The following SLC44A1 variants were observed in gnomAD, a reference collection of about 807,000 sequenced individuals.
SLC44A1 encodes choline transporter-like protein 1.
Under a neutral mutation model 79.3 loss-of-function variants are expected in SLC44A1, and 26 were observed. That is an observed-to-expected ratio of 0.33 (90% confidence interval 0.24 to 0.46). The LOEUF is 0.46. Among genes scored for constraint, SLC44A1 ranks in the 20% least tolerant of loss-of-function variants. The probability of loss-of-function intolerance (pLI) is 1.00; values close to 1 mark genes in which losing one functional copy is unlikely to be tolerated. For missense variants in SLC44A1, 688 were observed against 798.1 expected, an observed-to-expected ratio of 0.86 and a Z score of 1.66; for synonymous variants, 263 against 286.2, an observed-to-expected ratio of 0.92 and a Z score of 0.82.
chr9:105,319,644 C>A (rs368145932), intron 3 of SLC44A1, among the ~76,000 whole-genome samples: 3 of 152,198 alleles, frequency 2.0e-5, no homozygotes, highest in African/African-American at 7.2e-5. Context: ...GAGTGGTCTA[C>A]CCCAACCCTA....
intron 1 of SLC44A1, among the ~76,000 whole-genome samples, chr9:105,297,454 G>T (rs753088476): frequency 2.6e-4 from 40 of 152,100 alleles, no homozygotes; most frequent in Non-Finnish European, 4.9e-4. Context: ...CGCGATTTTG[G>T]CTTACCACAA....
chr9:105,334,374 A>AT (rs1011200274), intron 3 of SLC44A1, among the ~76,000 whole-genome samples: 8 of 143,264 alleles, frequency 5.6e-5, no homozygotes, highest in Non-Finnish European at 1.1e-4. Flanking sequence ...TTTCCTACTT[A>AT]TTTTTTTTTC....
At chr9:105,333,907 T>G (rs1826830763) in intron 3 of SLC44A1, among the ~76,000 whole-genome samples, 1 of 152,146 alleles carries the variant, frequency 6.6e-6, no homozygotes, top group South Asian at 2.1e-4. Flanking sequence ...AGTGGTTGAT[T>G]CAAAGGTTTT....
chr9:105,404,638 G>A (rs1258218205), intron 15 of SLC44A1, among the ~76,000 whole-genome samples: 2 of 152,122 alleles, frequency 1.3e-5, no homozygotes, highest in Non-Finnish European at 2.9e-5. Context: ...ATAAATAAAT[G>A]AACTTAGGGG....
rs866597851 is a variant in SLC44A1 at position 105,356,163 on chromosome 9, A to G, written c.501-49A>G. 25 of 1,450,548 alleles carry G rather than the reference A, an allele frequency of 1.7e-5. 1 individual carries two copies. In the Middle Eastern group the frequency reaches 1.9e-3, roughly 111 times the overall value. The allele number at this position is 1,450,548 out of a possible 1,614,324, so 89.9% of individuals were successfully genotyped here. On this transcript the variant is annotated intron_variant, in intron 5 of 15. Transcript: ENST00000374720. ...TTTGTGTGTTTGATGTGGCATTTAT[A>G]TTAAGTAGGAGTAATTTTTTTTCTG...
At chr9:105,277,811 A>G (rs1830244614) in intron 1 of SLC44A1, among the ~76,000 whole-genome samples, 1 of 152,172 alleles carries the variant, frequency 6.6e-6, no homozygotes, top group Non-Finnish European at 1.5e-5. Flanking sequence ...TGTTGTTGAC[A>G]CAAGAGTACT....
intron 3 of SLC44A1, among the ~76,000 whole-genome samples, chr9:105,333,876 G>A (rs931023207): frequency 1.3e-5 from 2 of 151,926 alleles, no homozygotes; most frequent in African/African-American, 4.8e-5. Context: ...CAGTGATAGT[G>A]GTGGTGGTGG....
At chr9:105,416,992 T>C (rs1829179763) in intron 15 of SLC44A1, among the ~76,000 whole-genome samples, 1 of 152,236 alleles carries the variant, frequency 6.6e-6, no homozygotes, top group Admixed American at 6.5e-5. Context: ...TTCTGGTAAT[T>C]ACATTTGACC....
At chr9:105,372,242 A>G (rs1176515536) in intron 12 of SLC44A1, among the ~76,000 whole-genome samples, 5 of 152,110 alleles carry the variant, frequency 3.3e-5, no homozygotes, top group Non-Finnish European at 7.4e-5. Context: ...AACTTCCCCA[A>G]TTTGTATGAT....
chr9:105,245,127 G>C (rs1829401268), intron 1 of SLC44A1, among the ~76,000 whole-genome samples: 2 of 152,048 alleles, frequency 1.3e-5, no homozygotes, highest in African/African-American at 4.8e-5. Context: ...GCGGCGCCTA[G>C]TGCGCCCTCA....
chr9:105,316,910 A>G (rs2131323357), intron 3 of SLC44A1, among the ~76,000 whole-genome samples: 1 of 152,348 alleles, frequency 6.6e-6, no homozygotes, highest in East Asian at 1.9e-4. Flanking sequence ...ATTGCTTTTA[A>G]CAACGAAGTT....
chr9:105,434,782 A>G (rs971171270), intron 15 of SLC44A1, among the ~76,000 whole-genome samples: 1 of 152,232 alleles, frequency 6.6e-6, no homozygotes, highest in Non-Finnish European at 1.5e-5. Flanking sequence ...ATGAAATCAC[A>G]TTTATCAGAC....
chr9:105,325,458 G>A (rs1388750768), intron 3 of SLC44A1, among the ~76,000 whole-genome samples: 1 of 152,232 alleles, frequency 6.6e-6, no homozygotes, highest in Non-Finnish European at 1.5e-5. Flanking sequence ...TATGGAGGTT[G>A]AGAAGTCCAA....
chr9:105,354,477 A>G (rs1827558007), intron 5 of SLC44A1, among the ~76,000 whole-genome samples: 1 of 152,256 alleles, frequency 6.6e-6, no homozygotes, highest in Admixed American at 6.5e-5. Flanking sequence ...TTATTTGAAT[A>G]CCTGTAATTC....
Position 105,335,597 on chromosome 9 carries a change from T to G in SLC44A1, c.304T>G (p.Leu102Val). The G allele has an allele frequency of 2.5e-6, 4 of 1,613,550 alleles. No homozygotes were observed. Among genetic ancestry groups the G allele is most frequent in the Non-Finnish European group, 3.4e-6 (4 of 1,179,584 alleles). Residue 102 changes from leucine to valine, a missense_variant, in exon 4 of 16, where the codon TTG becomes GTG. Coordinates refer to ENST00000374720, the MANE Select transcript of SLC44A1 (RefSeq NM_080546.5). ...VFFLDPCNLDLINRKIKSVAL... is the reference protein window; with the variant it reads ...VFFLDPCNLDVINRKIKSVAL... Reference sequence around the variant, plus strand: ...CTTTTTGGATCCATGCAACCTGGACTTGATAAACCGGAAGATTAAGTCTGT... The same window carrying G: ...CTTTTTGGATCCATGCAACCTGGACGTGATAAACCGGAAGATTAAGTCTGT...
chr9:105,365,017 T>C (rs1305516388), intron 10 of SLC44A1, among the ~76,000 whole-genome samples: 2 of 152,210 alleles, frequency 1.3e-5, no homozygotes, highest in Non-Finnish European at 2.9e-5. Context: ...TACTTTTGCT[T>C]TATATAAAAG....
chr9:105,387,060 A>AAAAAAAAAATATATAT (rs34780893), intron 15 of SLC44A1, among the ~76,000 whole-genome samples: 1 of 7,726 alleles, frequency 1.3e-4, no homozygotes, highest in African/African-American at 4.1e-4. Context: ...AAAAAAAAAA[A>AAAAAAAAAATATATAT]ATATATATAT....
intron 3 of SLC44A1, among the ~76,000 whole-genome samples, chr9:105,317,659 G>T (rs76402817): frequency 0.013 from 1,969 of 152,192 alleles, 42 homozygotes; most frequent in African/African-American, 0.045. Context: ...TGAGTCTACA[G>T]GTTGGAATTC....
intron 15 of SLC44A1, among the ~76,000 whole-genome samples, chr9:105,421,144 C>T (rs1360472345): frequency 6.6e-6 from 1 of 152,034 alleles, no homozygotes; most frequent in Non-Finnish European, 1.5e-5. Context: ...TAAAACAATA[C>T]CTGGAAGTGG....
Sources: gnomAD v4.1 joint callset for allele counts (sites outside exome capture counted in the v4.1 genomes callset) on GRCh38, gnomAD v4.1.1 for gene constraint, MANE v1.5 for transcripts, NCBI Gene and HGNC (gene_info 2026-07-23, HGNC 2026-07-21) for gene names.